The following NKAIN2 variants were observed in gnomAD, a reference collection of about 807,000 sequenced individuals.
The protein encoded by NKAIN2 is sodium/potassium transporting ATPase interacting 2, also known as sodium/potassium-transporting ATPase subunit beta-1-interacting protein 2.
Under a neutral mutation model 32.6 loss-of-function variants are expected in NKAIN2, and 14 were observed. The ratio of observed to expected loss-of-function variants is 0.43; its 90% CI spans 0.28 to 0.67. The LOEUF (loss-of-function observed/expected upper bound fraction) is 0.67. Ranked by LOEUF, NKAIN2 falls within the 30% of genes least tolerant of loss-of-function variation. The pLI, the probability that NKAIN2 is intolerant of heterozygous loss-of-function variation, is 0.17. For synonymous variants in NKAIN2, 80 were observed against 87.2 expected, an observed-to-expected ratio of 0.92 and a Z score of 0.46; for missense variants, 198 against 258.3, an observed-to-expected ratio of 0.77 and a Z score of 1.60.
In NKAIN2 at chr6:124,823,274, T is replaced by C. The variant is rs765794753; in HGVS notation, c.*45T>C. The C allele has an allele frequency of 4.8e-6, 7 of 1,460,592 alleles. No individual in the cohort carries two copies. In the South Asian group the frequency reaches 6.8e-5, roughly 14 times the overall value. The allele number at this position is 1,460,592 out of a possible 1,614,324, so 90.5% of individuals were successfully genotyped here. A position where few individuals can be genotyped will look rare whatever the true frequency, so the allele number is the denominator to read the frequency against. ...TCAGCCCATGGACCTTTCAAAGAAC[T>C]TTTTTCGCAGTGGCCTCCTGCATTT... On this transcript the variant is annotated 3_prime_UTR_variant, in exon 7 of 7. Coordinates refer to ENST00000368417, the MANE Select transcript of NKAIN2 (RefSeq NM_001040214.3).
intron 3 of NKAIN2, among the ~76,000 whole-genome samples, chr6:124,612,189 G>GGT (rs1782715503): frequency 6.7e-6 from 1 of 150,166 alleles, no homozygotes; most frequent in Non-Finnish European, 1.5e-5. Context: ...CTATGTTTTT[G>GGT]GAATAGAAAA....
At chr6:124,250,415 T>G (rs1385502840) in intron 1 of NKAIN2, among the ~76,000 whole-genome samples, 2 of 152,010 alleles carry the variant, frequency 1.3e-5, no homozygotes, top group African/African-American at 2.4e-5. Flanking sequence ...AATAAAACTA[T>G]GGACTCCAAA....
At chr6:124,488,018 C>T (rs963285708) in intron 3 of NKAIN2, among the ~76,000 whole-genome samples, 5 of 152,044 alleles carry the variant, frequency 3.3e-5, no homozygotes, top group Non-Finnish European at 5.9e-5. Flanking sequence ...TCGGATAATA[C>T]TACTCTAGAA....
intron 1 of NKAIN2, among the ~76,000 whole-genome samples, chr6:123,883,065 A>G (rs1236982069): frequency 6.6e-6 from 1 of 151,914 alleles, no homozygotes; most frequent in Non-Finnish European, 1.5e-5. Flanking sequence ...TGTAATCCCC[A>G]GTGTTGGAAG....
chr6:123,962,116 A>C (rs1170437446), intron 1 of NKAIN2, among the ~76,000 whole-genome samples: 1 of 152,214 alleles, frequency 6.6e-6, no homozygotes, highest in Non-Finnish European at 1.5e-5. Flanking sequence ...AGAAAACTGG[A>C]AAATAAACAT....
At chr6:124,283,195 C>T (rs1795385149) in intron 2 of NKAIN2, 53 bp downstream of exon 2, 1 of 1,299,494 alleles carries the variant, frequency 7.7e-7, no homozygotes, top group African/African-American at 1.5e-5. Flanking sequence ...GAATGATGTG[C>T]AAACTCCAAA....
chr6:123,867,162 AT>A (rs1772571626), intron 1 of NKAIN2, among the ~76,000 whole-genome samples: 1 of 152,166 alleles, frequency 6.6e-6, no homozygotes, highest in Non-Finnish European at 1.5e-5. Flanking sequence ...ATCTCTTGAC[AT>A]TAGGTATCTC....
chr6:123,844,055 A>G (rs1774994862), intron 1 of NKAIN2, among the ~76,000 whole-genome samples: 1 of 152,130 alleles, frequency 6.6e-6, no homozygotes, highest in South Asian at 2.1e-4. Context: ...AACTTATGAG[A>G]AGGCCTCTGC....
chr6:124,681,333 G>A (rs533226026), intron 4 of NKAIN2, among the ~76,000 whole-genome samples: 1 of 151,934 alleles, frequency 6.6e-6, no homozygotes, highest in African/African-American at 2.4e-5. Context: ...CTCCCACTAA[G>A]AATATCATCT....
At position 124,638,696 on chromosome 6, in the gene NKAIN2, C is replaced by A. The variant is rs1393365033; in HGVS notation, c.274-19490C>A. Among the ~76,000 whole-genome samples the A allele has an allele frequency of 7.2e-5, 11 of 151,960 alleles. No individual in the cohort carries two copies. The South Asian group carries it at 2.1e-3, about 29-fold the overall frequency. ...GGATCACAAGGTCAGGAGATCGAGACCATCCTGGCTAACGTGGTGAAACCC... is the reference window on the plus strand; with the variant it reads ...GGATCACAAGGTCAGGAGATCGAGAACATCCTGGCTAACGTGGTGAAACCC... On this transcript the variant is annotated intron_variant, in intron 3 of 6. Transcript: ENST00000368417.
At chr6:123,995,541 T>G (rs2114699131) in intron 1 of NKAIN2, among the ~76,000 whole-genome samples, 1 of 152,318 alleles carries the variant, frequency 6.6e-6, no homozygotes, top group South Asian at 2.1e-4. Flanking sequence ...CACTGGCCTC[T>G]TACTAGACAA....
intron 1 of NKAIN2, among the ~76,000 whole-genome samples, chr6:123,901,890 A>G (rs1233943229): frequency 6.6e-6 from 1 of 152,108 alleles, no homozygotes; most frequent in Non-Finnish European, 1.5e-5. Context: ...CTTTACCCTG[A>G]GACATGAAGA....
chr6:124,270,427 A>T (rs73770383), intron 1 of NKAIN2, among the ~76,000 whole-genome samples: 3,564 of 152,252 alleles, frequency 0.023, 134 homozygotes, highest in African/African-American at 0.082. Context: ...GAAAAAAAAA[A>T]TCTGTATTTT....
intron 4 of NKAIN2, among the ~76,000 whole-genome samples, chr6:124,782,778 T>C (rs1299014202): frequency 6.6e-6 from 1 of 152,150 alleles, no homozygotes; most frequent in East Asian, 1.9e-4. Flanking sequence ...TGTGTACATT[T>C]TACAGAACAT....
At chr6:124,744,385 T>C (rs1777363905) in intron 4 of NKAIN2, among the ~76,000 whole-genome samples, 1 of 151,960 alleles carries the variant, frequency 6.6e-6, no homozygotes, top group Non-Finnish European at 1.5e-5. Context: ...ATAACTTTTC[T>C]AGTTACTTAC....
At chr6:124,331,374 A>AAAAAAAC (rs1797649524) in intron 2 of NKAIN2, among the ~76,000 whole-genome samples, 2 of 144,902 alleles carry the variant, frequency 1.4e-5, no homozygotes, top group African/African-American at 2.6e-5. Flanking sequence ...AAAAAAAAAA[A>AAAAAAAC]AAAAACTAGC....
intron 4 of NKAIN2, among the ~76,000 whole-genome samples, chr6:124,682,451 A>T (rs1238130914): frequency 6.6e-6 from 1 of 152,200 alleles, no homozygotes; most frequent in East Asian, 1.9e-4. Flanking sequence ...TAAGATTAAA[A>T]ATATTTTATT....
chr6:124,282,369 A>G, intron 1 of NKAIN2: 1 of 279,092 alleles, frequency 3.6e-6, no homozygotes, highest in Non-Finnish European at 6.9e-6. Context: ...CAGGTATGAC[A>G]AAACATCATA....
chr6:123,951,724 C>G (rs922462063), intron 1 of NKAIN2, among the ~76,000 whole-genome samples: 1 of 151,512 alleles, frequency 6.6e-6, no homozygotes, highest in Non-Finnish European at 1.5e-5. Flanking sequence ...TCTATTCAGC[C>G]AATATGTATC....
Sources: gnomAD v4.1 joint callset for allele counts (sites outside exome capture counted in the v4.1 genomes callset) on GRCh38, gnomAD v4.1.1 for gene constraint, MANE v1.5 for transcripts, NCBI Gene and HGNC (gene_info 2026-07-23, HGNC 2026-07-21) for gene names.